Variants in ANO3 observed in about 807,000 individuals in gnomAD.
ANO3 encodes the protein anoctamin 3.
A neutral mutation model predicts 144.8 loss-of-function variants in ANO3; 99 were observed. That is an observed-to-expected ratio of 0.68 (90% confidence interval 0.58 to 0.81). The LOEUF is 0.81. Among genes scored for constraint, ANO3 ranks in the 30% least tolerant of loss-of-function variants. The probability of loss-of-function intolerance (pLI) is 0.00; values close to 1 mark genes in which losing one functional copy is unlikely to be tolerated. For synonymous variants in ANO3, 414 were observed against 392.6 expected, an observed-to-expected ratio of 1.05 and a Z score of -0.64; for missense variants, 905 against 1,202.2, an observed-to-expected ratio of 0.75 and a Z score of 3.66.
chr11:26,353,185 C>T (rs1393757511), intron 1 of ANO3, among the ~76,000 whole-genome samples: 2 of 152,188 alleles, frequency 1.3e-5, no homozygotes, highest in South Asian at 2.1e-4. Flanking sequence ...GTGGTGCCAC[C>T]CATTTTTACA....
intron 1 of ANO3, among the ~76,000 whole-genome samples, chr11:26,288,879 G>A (rs1254990914): frequency 1.3e-5 from 2 of 152,110 alleles, no homozygotes; most frequent in Admixed American, 6.5e-5. Flanking sequence ...ACAATAGGTG[G>A]ATAAAGTACA....
chr11:26,291,605 T>C (rs189301931), intron 1 of ANO3, among the ~76,000 whole-genome samples: 6,606 of 152,268 alleles, frequency 0.043, 476 homozygotes, highest in African/African-American at 0.15. Context: ...GCAGGCCTGG[T>C]GGTGACAAAA....
At chr11:26,209,863 A>C (rs1333037455) in intron 1 of ANO3, among the ~76,000 whole-genome samples, 1 of 152,004 alleles carries the variant, frequency 6.6e-6, no homozygotes, top group East Asian at 1.9e-4. Context: ...AATTTGTTTA[A>C]GTTCTTTGTA....
chr11:26,476,889 T>TTG (rs909812537), intron 4 of ANO3, among the ~76,000 whole-genome samples: 21 of 136,398 alleles, frequency 1.5e-4, no homozygotes, highest in East Asian at 4.6e-4. Flanking sequence ...TGTTATAATT[T>TTG]TGTGTGTGTG....
At chr11:26,197,264 T>C (rs1462364692) in intron 1 of ANO3, among the ~76,000 whole-genome samples, 1 of 152,052 alleles carries the variant, frequency 6.6e-6, no homozygotes, top group African/African-American at 2.4e-5. Context: ...ACAAAAAAGA[T>C]CCTACATGAG....
chr11:26,285,405 C>T (rs1013182328), intron 1 of ANO3, among the ~76,000 whole-genome samples: 3 of 152,024 alleles, frequency 2.0e-5, no homozygotes, highest in Non-Finnish European at 4.4e-5. Context: ...TTTGGTTTGT[C>T]TTATTTGTTG....
At chr11:26,564,730 C>CATAT (rs1850477575) in intron 14 of ANO3, among the ~76,000 whole-genome samples, 4 of 24,010 alleles carry the variant, frequency 1.7e-4, no homozygotes, top group East Asian at 7.9e-4. Flanking sequence ...CACACACACA[C>CATAT]ACATATATAT....
chr11:26,482,424 ATATGTGTG>A (rs757288136), intron 4 of ANO3, among the ~76,000 whole-genome samples: 1,507 of 109,800 alleles, frequency 0.014, 9 homozygotes, highest in African/African-American at 0.021. Flanking sequence ...GAACACAGAT[ATATGTGTG>A]TGTGTGTGTG....
chr11:26,461,291 A>G (rs975013585), intron 3 of ANO3, among the ~76,000 whole-genome samples: 2 of 152,216 alleles, frequency 1.3e-5, no homozygotes, highest in African/African-American at 2.4e-5. Context: ...ACGCTTAGGT[A>G]ACAGTTCAAT....
intron 1 of ANO3, among the ~76,000 whole-genome samples, chr11:26,224,768 G>A (rs183725537): frequency 5.8e-4 from 88 of 152,278 alleles, no homozygotes; most frequent in Non-Finnish European, 8.5e-4. Flanking sequence ...TCCAGCCAAT[G>A]CCAAACATGT....
At chr11:26,208,973 A>G (rs114647306) in intron 1 of ANO3, among the ~76,000 whole-genome samples, 32 of 152,240 alleles carry the variant, frequency 2.1e-4, no homozygotes, top group African/African-American at 7.7e-4. Context: ...CTTCAAGGTG[A>G]ACATAAGAAG....
intron 17 of ANO3, among the ~76,000 whole-genome samples, chr11:26,604,974 G>C (rs1037988051): frequency 1.3e-5 from 2 of 152,158 alleles, no homozygotes; most frequent in South Asian, 2.1e-4. Flanking sequence ...TGGTGAGAGA[G>C]GGCATCCTGT....
intron 1 of ANO3, among the ~76,000 whole-genome samples, chr11:26,277,411 C>A (rs1038038793): frequency 1.3e-5 from 2 of 152,072 alleles, no homozygotes; most frequent in African/African-American, 2.4e-5. Context: ...TGTCTGAATT[C>A]TCATATTGTC....
intron 12 of ANO3, among the ~76,000 whole-genome samples, chr11:26,550,611 C>CTAAGA (rs1317484166): frequency 6.6e-6 from 1 of 151,934 alleles, no homozygotes; most frequent in Non-Finnish European, 1.5e-5. Flanking sequence ...TCCTTCTTTT[C>CTAAGA]TAAGACCAAA....
intron 1 of ANO3, among the ~76,000 whole-genome samples, chr11:26,346,674 A>G (rs1855503487): frequency 6.6e-6 from 1 of 152,192 alleles, no homozygotes; most frequent in South Asian, 2.1e-4. Flanking sequence ...GGTTTCTGCA[A>G]ATACTTATCG....
intron 1 of ANO3, among the ~76,000 whole-genome samples, chr11:26,419,665 A>T (rs1857695538): frequency 6.6e-6 from 1 of 152,106 alleles, no homozygotes; most frequent in African/African-American, 2.4e-5. Context: ...GAGAGGCCAT[A>T]TGTGGAATAC....
At chr11:26,647,134 A>C (rs186002903) in intron 23 of ANO3, among the ~76,000 whole-genome samples, 1 of 152,250 alleles carries the variant, frequency 6.6e-6, no homozygotes, top group East Asian at 1.9e-4. Context: ...ATAGTATACT[A>C]GTTCTATATA....
At chr11:26,616,053 T>G (rs1590635287) in intron 17 of ANO3, among the ~76,000 whole-genome samples, 1 of 152,202 alleles carries the variant, frequency 6.6e-6, no homozygotes, top group East Asian at 1.9e-4. Context: ...ATCATACCAC[T>G]GTGATAATTT....
chr11:26,217,326 C>T (rs1852053825), intron 1 of ANO3, among the ~76,000 whole-genome samples: 1 of 148,580 alleles, frequency 6.7e-6, no homozygotes, highest in Non-Finnish European at 1.5e-5. Context: ...TTAAAATCAT[C>T]CCCCCCATCT....
Sources: gnomAD v4.1 joint callset for allele counts (sites outside exome capture counted in the v4.1 genomes callset) on GRCh38, gnomAD v4.1.1 for gene constraint, MANE v1.5 for transcripts, NCBI Gene and HGNC (gene_info 2026-07-23, HGNC 2026-07-21) for gene names.